SYTL2: variants seen among roughly 807,000 people sequenced by gnomAD.
SYTL2 encodes synaptotagmin-like protein 2.
Under a neutral mutation model 198.7 loss-of-function variants are expected in SYTL2, and 165 were observed. That is an observed-to-expected ratio of 0.83 (90% CI 0.73 to 0.94). The LOEUF is 0.94. SYTL2 is among the 40% of genes least tolerant of loss of function. The pLI is 0.00. For missense variants in SYTL2, 2,835 were observed against 2,582.8 expected, an observed-to-expected ratio of 1.10 and a Z score of -2.12; for synonymous variants, 966 against 917.7, an observed-to-expected ratio of 1.05 and a Z score of -0.95.
chr11:85,770,757 C>T (rs949512745), intron 1 of SYTL2, among the ~76,000 whole-genome samples: 1 of 152,192 alleles, frequency 6.6e-6, no homozygotes, highest in Non-Finnish European at 1.5e-5. Context: ...GACACCTCCT[C>T]CATGAAACTG....
chr11:85,820,972 T>C, the SYTL2 span, among the ~76,000 whole-genome samples: 1 of 152,200 alleles, frequency 6.6e-6, no homozygotes, highest in Non-Finnish European at 1.5e-5. Context: ...ATTTATTGAG[T>C]GCCAGGCAGG....
intron 1 of SYTL2, among the ~76,000 whole-genome samples, chr11:85,770,333 T>C (rs191199126): frequency 6.6e-6 from 1 of 152,326 alleles, no homozygotes; most frequent in East Asian, 1.9e-4. Flanking sequence ...TCCCCTTGTC[T>C]ACCACTCATG....
chr11:85,829,241 A>T, the SYTL2 span, among the ~76,000 whole-genome samples: 4 of 152,128 alleles, frequency 2.6e-5, no homozygotes, highest in Non-Finnish European at 4.4e-5. Flanking sequence ...TCCCTCCCTC[A>T]TCTGGTAGTC....
chr11:85,805,171 T>C (rs747098837), intron 1 of SYTL2, among the ~76,000 whole-genome samples: 1 of 151,946 alleles, frequency 6.6e-6, no homozygotes, highest in Admixed American at 6.6e-5. Flanking sequence ...CAAAATGGCA[T>C]AACTGAAACA....
the SYTL2 span, among the ~76,000 whole-genome samples, chr11:85,846,738 T>A: frequency 3.3e-5 from 5 of 151,010 alleles, no homozygotes; most frequent in Non-Finnish European, 7.4e-5. Context: ...GAAACTATTT[T>A]TTTTTTTTTT....
chr11:85,737,783 C>G, intron 4 of SYTL2, 127 bp from the exon 5 acceptor site: 1 of 740,804 alleles, frequency 1.3e-6, no homozygotes, highest in Non-Finnish European at 2.2e-6. Context: ...AAGAAGGATT[C>G]TCTAGAGAAT....
At chr11:85,760,198 G>C (rs2092057068) in intron 1 of SYTL2, among the ~76,000 whole-genome samples, 1 of 152,144 alleles carries the variant, frequency 6.6e-6, no homozygotes, top group South Asian at 2.1e-4. Flanking sequence ...GAGATAAAAG[G>C]ACAGACCTGA....
intron 1 of SYTL2, among the ~76,000 whole-genome samples, chr11:85,807,496 G>A (rs1281352846): frequency 6.6e-6 from 1 of 152,218 alleles, no homozygotes; most frequent in Non-Finnish European, 1.5e-5. Flanking sequence ...AGTGAGGATA[G>A]AATTTGTTTA....
intron 1 of SYTL2, among the ~76,000 whole-genome samples, chr11:85,788,052 C>T (rs1038236841): frequency 3.3e-5 from 5 of 152,138 alleles, no homozygotes; most frequent in Admixed American, 2.6e-4. Context: ...TGGGTGTCTC[C>T]TGAGCCCAGG....
intron 1 of SYTL2, among the ~76,000 whole-genome samples, chr11:85,791,674 T>C (rs1422953110): frequency 1.3e-5 from 2 of 151,180 alleles, no homozygotes; most frequent in East Asian, 1.9e-4. Flanking sequence ...GTGCCTGCAA[T>C]AGCTCTTCAA....
intron 12 of SYTL2, among the ~76,000 whole-genome samples, chr11:85,712,069 A>G (rs1476357177): frequency 1.3e-5 from 2 of 152,206 alleles, no homozygotes; most frequent in Non-Finnish European, 2.9e-5. Context: ...TAGAGAGCTT[A>G]TGGAACAGTT....
intron 2 of SYTL2, among the ~76,000 whole-genome samples, chr11:85,753,949 T>C (rs1392508329): frequency 6.6e-6 from 1 of 152,162 alleles, no homozygotes; most frequent in African/African-American, 2.4e-5. Flanking sequence ...AAGTGATATC[T>C]GGTCTTGCAG....
intron 16 of SYTL2, among the ~76,000 whole-genome samples, chr11:85,703,889 C>A (rs537751199): frequency 6.6e-6 from 1 of 151,942 alleles, no homozygotes; most frequent in Non-Finnish European, 1.5e-5. Flanking sequence ...AGTTTGAATT[C>A]AAGGGTGCAT....
intron 1 of SYTL2, among the ~76,000 whole-genome samples, chr11:85,777,129 T>C (rs1051142917): frequency 6.6e-6 from 1 of 152,230 alleles, no homozygotes; most frequent in Non-Finnish European, 1.5e-5. Context: ...AAGAGCATTG[T>C]CTTTCATTGA....
At chr11:85,730,726 A>T (rs1047817612) in intron 7 of SYTL2, among the ~76,000 whole-genome samples, 1 of 152,148 alleles carries the variant, frequency 6.6e-6, no homozygotes, top group African/African-American at 2.4e-5. Flanking sequence ...TCAACATAGT[A>T]TTGGAAGTTC....
At chr11:85,797,015 C>A (rs1486440297) in intron 1 of SYTL2, among the ~76,000 whole-genome samples, 8 of 151,988 alleles carry the variant, frequency 5.3e-5, no homozygotes, top group Non-Finnish European at 1.0e-4. Flanking sequence ...ATAGCAATAC[C>A]CCATCTCTAT....
chr11:85,769,389 A>T (rs2092310346), intron 1 of SYTL2, among the ~76,000 whole-genome samples: 1 of 152,160 alleles, frequency 6.6e-6, no homozygotes, highest in African/African-American at 2.4e-5. Flanking sequence ...TTGAAGATGG[A>T]GGAAGGGGCC....
At chr11:85,702,572 T>C (rs1015615277) in intron 16 of SYTL2, among the ~76,000 whole-genome samples, 7 of 152,168 alleles carry the variant, frequency 4.6e-5, no homozygotes, top group Non-Finnish European at 7.3e-5. Flanking sequence ...AGTTGGAACC[T>C]CTGAAGGGCC....
chr11:85,741,733 G>C (rs984265268), intron 4 of SYTL2, among the ~76,000 whole-genome samples: 1 of 152,072 alleles, frequency 6.6e-6, no homozygotes, highest in African/African-American at 2.4e-5. Flanking sequence ...TCTGGGAGAG[G>C]GAAATTAATA....
Sources: allele counts gnomAD v4.1 joint callset (sites outside exome capture counted in the v4.1 genomes callset), GRCh38; gene constraint gnomAD v4.1.1; transcripts MANE v1.5; gene names NCBI Gene and HGNC (gene_info 2026-07-23, HGNC 2026-07-21).